Variants in KCNMB1 observed in about 807,000 individuals in gnomAD.
The protein encoded by KCNMB1 is calcium-activated potassium channel subunit beta-1.
KCNMB1 carries 22 observed loss-of-function variants against 21.7 expected under a neutral mutation model. That is an observed-to-expected ratio of 1.01 (90% CI 0.72 to 1.45). KCNMB1 has a LOEUF of 1.45. KCNMB1 is among the 40% of genes most tolerant of loss of function. The pLI is 0.00. For missense variants in KCNMB1, 243 were observed against 243.4 expected, an observed-to-expected ratio of 1.00 and a Z score of 0.01; for synonymous variants, 114 against 107.6, an observed-to-expected ratio of 1.06 and a Z score of -0.37.
rs553874645 is a variant in KCNMB1, at chr5:170,388,269, T to C, written c.-25+990A>G. Among the ~76,000 whole-genome samples the C allele has an allele frequency of 3.3e-5, 5 of 152,334 alleles. No individual in the cohort carries two copies. The South Asian group carries it at 1.0e-3, about 32-fold the overall frequency. On this transcript the variant is annotated intron_variant, in intron 1 of 3. Coordinates refer to ENST00000274629, the MANE Select transcript of KCNMB1 (RefSeq NM_004137.4). ...ACTGAGTGAGTTTATAGAGTCATGATAAATCCTCCTAAGACCATGCGTGGG... is the reference window on the plus strand; with the variant it reads ...ACTGAGTGAGTTTATAGAGTCATGACAAATCCTCCTAAGACCATGCGTGGG...
In KCNMB1 at chr5:170,377,513, T is replaced by G. The variant is rs889082999; in HGVS notation, c.*1191A>C. 2 of 151,994 alleles carry G rather than the reference T, an allele frequency of 1.3e-5. No homozygotes were observed. Among genetic ancestry groups the G allele is most frequent in the Non-Finnish European group, 2.9e-5 (2 of 68,036 alleles). The allele number at this position is 151,994 out of a possible 1,614,324, so 9.4% of individuals were successfully genotyped here. A position where few individuals can be genotyped will look rare whatever the true frequency, so the allele number is the denominator to read the frequency against. On this transcript the variant is annotated 3_prime_UTR_variant, in exon 4 of 4. Transcript: ENST00000274629. The stretch of plus-strand genomic sequence containing the variant: ...AGTGCCAGAGTCCATACCCTCAATT[T>G]AAATAACAAATCCTCCTCTATATCA...
At chr5:170,383,873 C>T (rs1198867457) in intron 2 of KCNMB1, 23 bp from the exon 3 acceptor site, 1 of 1,611,688 alleles carries the variant, frequency 6.2e-7, no homozygotes, top group Non-Finnish European at 8.5e-7. Context: ...CACACATGCA[C>T]ACATACACAT....
intron 3 of KCNMB1, among the ~76,000 whole-genome samples, chr5:170,379,826 C>T (rs1007346722): frequency 3.3e-5 from 5 of 151,982 alleles, no homozygotes; most frequent in Non-Finnish European, 5.9e-5. Context: ...TGGTGGTGTA[C>T]CTGTAGTCCC....
rs1764094466 is a variant in KCNMB1, at chr5:170,378,449, A to G, written c.*255T>C. The G allele has an allele frequency of 2.2e-6, 1 of 464,986 alleles. No individual in the cohort carries two copies. Among genetic ancestry groups the G allele is most frequent in the Non-Finnish European group, 3.8e-6 (1 of 264,008 alleles). The allele number at this position is 464,986 out of a possible 1,614,324, so 28.8% of individuals were successfully genotyped here. On this transcript the variant is annotated 3_prime_UTR_variant, in exon 4 of 4. Transcript: ENST00000274629. ...ACAGGTATGAGTCAGTTGAGTGGGG[A>G]CAGGTAATAGAGAGCTAGAACTGGC... is the stretch of plus-strand genomic sequence containing the variant.
intron 3 of KCNMB1, 114 bp downstream of exon 3, chr5:170,383,565 A>AG (rs1263517337): frequency 8.6e-7 from 1 of 1,165,682 alleles, no homozygotes; most frequent in African/African-American, 1.5e-5. Context: ...TCCAGCTGTG[A>AG]GACCTGGTCA....
rs1275378337 is a variant in KCNMB1, at chr5:170,383,805, G to A, written c.180C>T (p.Ile60=). Reference sequence around the variant, plus strand: ...TGCCCTTCAGCTCCTCCTGGTCCCTGATGTTGGTCTCAATCAGGTGGCACT... The same window carrying A: ...TGCCCTTCAGCTCCTCCTGGTCCCTAATGTTGGTCTCAATCAGGTGGCACT... ...ESKCHLIETN[I]RDQEELKGKK... Residue 60 remains isoleucine, a synonymous_variant, in exon 3 of 4, where the codon ATC becomes ATT. Coordinates refer to ENST00000274629, the MANE Select transcript of KCNMB1 (RefSeq NM_004137.4). The A allele has an allele frequency of 6.2e-7, 1 of 1,614,000 alleles. No homozygotes were observed. The highest frequency in any genetic ancestry group is 1.3e-5 in the African/African-American group (1 of 74,902).
intron 1 of KCNMB1, among the ~76,000 whole-genome samples, chr5:170,386,014 T>C (rs900004293): frequency 1.3e-5 from 2 of 150,510 alleles, no homozygotes; most frequent in South Asian, 2.1e-4. Context: ...TAGTCCCAGC[T>C]ACAGGGGAGG....
intron 2 of KCNMB1, 85 bp downstream of exon 2, chr5:170,385,229 G>A (rs1581135045): frequency 7.0e-7 from 1 of 1,431,152 alleles, no homozygotes; most frequent in East Asian, 2.3e-5. Flanking sequence ...TCAAGGAGAG[G>A]GGTGAGTAGA....
chr5:170,384,246 A>G (rs940466762), intron 2 of KCNMB1, among the ~76,000 whole-genome samples: 3 of 152,164 alleles, frequency 2.0e-5, no homozygotes, highest in Non-Finnish European at 4.4e-5. Flanking sequence ...CAAACCTGAG[A>G]CTTTCTTATC....
rs1581124047 is a variant in KCNMB1 at position 170,377,190 on chromosome 5, T to G, written c.*1514A>C. The G allele has an allele frequency of 2.6e-5, 4 of 152,252 alleles. No homozygotes were observed. Among genetic ancestry groups the G allele is most frequent in the African/African-American group, 9.6e-5 (4 of 41,454 alleles). 9.4% of individuals were successfully genotyped at this position (152,252 alleles called of 1,614,324 possible). On this transcript the variant is annotated 3_prime_UTR_variant, in exon 4 of 4. Coordinates refer to ENST00000274629, the MANE Select transcript of KCNMB1 (RefSeq NM_004137.4). ...AAAATCCTCGCGACAGGACGCTCAC[T>G]TCCTACACCGGTAGTTCTCTGGCTC...
intron 1 of KCNMB1, among the ~76,000 whole-genome samples, chr5:170,385,901 T>C (rs949189108): frequency 1.1e-4 from 17 of 151,758 alleles, no homozygotes; most frequent in Admixed American, 1.1e-3. Context: ...GGGCGGATCA[T>C]GAGGTCAGGA....
At position 170,385,459 on chromosome 5, in the gene KCNMB1, G is replaced by T; in HGVS notation, c.-12C>A. 1 of 1,614,088 alleles carries T rather than the reference G, an allele frequency of 6.2e-7. No individual in the cohort carries two copies. The highest frequency in any genetic ancestry group is 8.5e-7 in the Non-Finnish European group (1 of 1,179,978). Reference sequence around the variant, plus strand: ...AGCTTCTTCACCATATTCACTGGGGGCAGTGATCATTTCTAGGTCCACAGA... The same window carrying T: ...AGCTTCTTCACCATATTCACTGGGGTCAGTGATCATTTCTAGGTCCACAGA... On this transcript the variant is annotated 5_prime_UTR_variant, in exon 2 of 4. Coordinates refer to ENST00000274629, the MANE Select transcript of KCNMB1 (RefSeq NM_004137.4).
rs1763973754 is a variant in KCNMB1 at position 170,375,767 on chromosome 5, A to T, written c.*2937T>A. 1 of 152,264 alleles carries T rather than the reference A, an allele frequency of 6.6e-6. No homozygotes were observed. Among genetic ancestry groups the T allele is most frequent in the Non-Finnish European group, 1.5e-5 (1 of 68,050 alleles). The allele number at this position is 152,264 out of a possible 1,614,324, so 9.4% of individuals were successfully genotyped here. A position where few individuals can be genotyped will look rare whatever the true frequency, so the allele number is the denominator to read the frequency against. ...GCCTCAGTTTTTCATAGTAACTTAG[A>T]TAGCACTTACCATATGTCACTATCC... is the stretch of plus-strand genomic sequence containing the variant. On this transcript the variant is annotated 3_prime_UTR_variant, in exon 4 of 4. Transcript: ENST00000274629.
At chr5:170,387,299 C>T (rs796226662) in intron 1 of KCNMB1, among the ~76,000 whole-genome samples, 3 of 152,086 alleles carry the variant, frequency 2.0e-5, no homozygotes, top group Non-Finnish European at 4.4e-5. Context: ...AGCCAGTGTC[C>T]GGGTGACAGG....
rs1764426367 is a variant in KCNMB1, at chr5:170,385,401, G to A, written c.47C>T (p.Ala16Val). Residue 16 changes from alanine (A) to valine (V), a missense_variant, in exon 2 of 4, where the codon GCC becomes GTC. Transcript: ENST00000274629. The part of the protein sequence containing the change: ...VMAQKRGETR[A>V]LCLGVTMVVC... ...CACCATGGTTACACCCAGGCAAAGG[G>A]CTCGTGTCTCTCCCCGCTTCTGGGC... The A allele has an allele frequency of 6.2e-7, 1 of 1,614,092 alleles. No individual in the cohort carries two copies. The highest frequency in any genetic ancestry group is 1.3e-5 in the African/African-American group (1 of 74,998).
intron 1 of KCNMB1, among the ~76,000 whole-genome samples, 151 bp downstream of exon 1, chr5:170,389,108 G>A (rs966075689): frequency 9.9e-5 from 15 of 152,124 alleles, no homozygotes; most frequent in African/African-American, 2.7e-4. Context: ...ACCAGACCAC[G>A]GGCCCTCCAT....
chr5:170,384,462 TAA>T (rs1214924627), intron 2 of KCNMB1, among the ~76,000 whole-genome samples: 2 of 152,100 alleles, frequency 1.3e-5, no homozygotes, highest in Non-Finnish European at 2.9e-5. Flanking sequence ...TTCACCAGAT[TAA>T]GAGTCCAGCC....
In KCNMB1 at chr5:170,385,551, G is replaced by A. The variant is rs575783213; in HGVS notation, c.-24-80C>T. 47 of 1,294,262 alleles carry A rather than the reference G, an allele frequency of 3.6e-5. No individual in the cohort carries two copies. The African/African-American group carries it at 6.3e-4, about 17-fold the overall frequency. 80.2% of individuals were successfully genotyped at this position (1,294,262 alleles called of 1,614,324 possible). ...CAGAAAGAGAGGACAGGTGAGAGGG[G>A]AAGGTACTCAACTATTAATATCACT... On this transcript the variant is annotated intron_variant, in intron 1 of 3. Coordinates refer to ENST00000274629, the MANE Select transcript of KCNMB1 (RefSeq NM_004137.4).
intron 1 of KCNMB1, among the ~76,000 whole-genome samples, chr5:170,386,444 C>G (rs1381902733): frequency 6.6e-6 from 1 of 152,178 alleles, no homozygotes; most frequent in Non-Finnish European, 1.5e-5. Flanking sequence ...TTGAGGCCGT[C>G]AGGTTTATGA....
Sources: allele counts gnomAD v4.1 joint callset (sites outside exome capture counted in the v4.1 genomes callset), GRCh38; gene constraint gnomAD v4.1.1; transcripts MANE v1.5; gene names NCBI Gene and HGNC (gene_info 2026-07-23, HGNC 2026-07-21).